The following UBE2S variants were observed in gnomAD, a reference collection of about 807,000 sequenced individuals.
UBE2S encodes the protein ubiquitin-conjugating enzyme E2 S.
A neutral mutation model predicts 12.3 loss-of-function variants in UBE2S; 3 were observed. The ratio of observed to expected loss-of-function variants is 0.24; its 90% confidence interval spans 0.11 to 0.63. The LOEUF (loss-of-function observed/expected upper bound fraction) is 0.63. Ranked by LOEUF, UBE2S falls within the 30% of genes least tolerant of loss-of-function variation. UBE2S has a pLI of 0.85. For synonymous variants in UBE2S, 133 were observed against 142.0 expected, an observed-to-expected ratio of 0.94 and a Z score of 0.45; for missense variants, 211 against 313.9, an observed-to-expected ratio of 0.67 and a Z score of 2.48.
At chr19:55,405,016 G>C (rs937044597) in intron 2 of UBE2S, among the ~76,000 whole-genome samples, 1 of 151,324 alleles carries the variant, frequency 6.6e-6, no homozygotes, top group African/African-American at 2.4e-5. Flanking sequence ...TTCAAGACCA[G>C]CCAGACCAAC....
rs781076341 is a variant in UBE2S at position 55,401,748 on chromosome 19, C to G, written c.357G>C (p.Leu119=). 10 of 1,613,136 alleles carry G rather than the reference C, an allele frequency of 6.2e-6. No homozygotes were observed. The highest frequency in any genetic ancestry group is 1.3e-5 in the African/African-American group (1 of 74,944). Reference sequence around the variant, plus strand: ...CAGACTCGGGGTTAGGGTGGATCAGCAGGCACTTGATGGTCTGTGGGAAGA... The same window carrying G: ...CAGACTCGGGGTTAGGGTGGATCAGGAGGCACTTGATGGTCTGTGGGAAGA... The part of the protein sequence containing the change: ...IRHVLLTIKC[L]LIHPNPESAL... The change falls in exon 4 of 4, where the codon CTG becomes CTC. Residue 119 remains leucine, a synonymous_variant. Coordinates refer to ENST00000264552, the MANE Select transcript of UBE2S (RefSeq NM_014501.3).
intron 2 of UBE2S, among the ~76,000 whole-genome samples, chr19:55,405,280 C>T (rs547243999): frequency 3.6e-4 from 53 of 148,430 alleles, no homozygotes; most frequent in African/African-American, 1.1e-3. Context: ...GAGGCTGAGG[C>T]GGGCGGATCA....
rs2090044378 is a variant in UBE2S at position 55,399,801 on chromosome 19, A to AG, written c.*1634dup. 6.6e-6 allele frequency: 1 copy of AG among 152,208 alleles called. No homozygotes were observed. Among genetic ancestry groups the AG allele is most frequent in the Non-Finnish European group, 1.5e-5 (1 of 68,032 alleles). The allele number at this position is 152,208 out of a possible 1,614,324, so 9.4% of individuals were successfully genotyped here. A position where few individuals can be genotyped will look rare whatever the true frequency, so the allele number is the denominator to read the frequency against. On this transcript the variant is annotated 3_prime_UTR_variant, in exon 4 of 4. Coordinates refer to ENST00000264552, the MANE Select transcript of UBE2S (RefSeq NM_014501.3). ...CGCTAAATTATTTCAGTGGGTTCCG[A>AG]GGCCCAGGATGCAGGCACCTTCCTT...
At chr19:55,401,812 C>T (rs2090061502) in intron 3 of UBE2S, 50 bp from the exon 4 acceptor site, 2 of 1,599,258 alleles carry the variant, frequency 1.3e-6, no homozygotes, top group Non-Finnish European at 1.7e-6. Context: ...CTACAGGGAC[C>T]CCCAGGCCTC....
chr19:55,407,512 G>A, intron 1 of UBE2S, 75 bp downstream of exon 1: 2 of 1,483,280 alleles, frequency 1.3e-6, no homozygotes, highest in Non-Finnish European at 1.8e-6. Context: ...CCGCCCGTCG[G>A]AGGCCCCTGA....
At chr19:55,403,508 AAAGAAAGGG>A (rs1600320328) in intron 3 of UBE2S, among the ~76,000 whole-genome samples, 1 of 139,700 alleles carries the variant, frequency 7.2e-6, no homozygotes, top group African/African-American at 2.9e-5. Context: ...GAAAGAAAGG[AAAGAAAGGG>A]AAGAAAGAAA....
rs2090092386 is a variant in UBE2S, at chr19:55,405,650, T to G, written c.151+1165A>C. On this transcript the variant is annotated intron_variant, in intron 2 of 3. Transcript: ENST00000264552. ...CGTCTGCACCCTCCTGGATCCCCCGTCTCAGCCCAACTGACCACTCCAGTC... is the reference window on the plus strand; with the variant it reads ...CGTCTGCACCCTCCTGGATCCCCCGGCTCAGCCCAACTGACCACTCCAGTC... 2.6e-5 allele frequency among the ~76,000 whole-genome samples: 4 copies of G among 152,222 alleles called. No homozygotes were observed. In the South Asian group the frequency reaches 8.3e-4, roughly 32 times the overall value.
intron 1 of UBE2S, among the ~76,000 whole-genome samples, chr19:55,407,205 C>CCA (rs2090102351): frequency 6.9e-6 from 1 of 143,968 alleles, no homozygotes; most frequent in Non-Finnish European, 1.5e-5. Flanking sequence ...ACCCCCCCCC[C>CCA]AAAGCCCGCT....
rs189658187 is a variant in UBE2S, at chr19:55,407,305, G to A, written c.3+282C>T. Among the ~76,000 whole-genome samples, 299 of 150,596 alleles carry A rather than the reference G, an allele frequency of 2.0e-3. 1 individual carries two copies. The highest frequency in any genetic ancestry group is 7.1e-3 in the African/African-American group (289 of 40,946). On this transcript the variant is annotated intron_variant, in intron 1 of 3. Transcript: ENST00000264552. ...ACTAATTTTTGGTTAGAGCATCCTT[G>A]AAACCCCGGCTCAGGTCTGGAGATG...
intron 3 of UBE2S, chr19:55,402,970 G>A: frequency 1.3e-6 from 2 of 1,534,740 alleles, no homozygotes; most frequent in Non-Finnish European, 1.7e-6. Context: ...GAGGCAGCAG[G>A]CTGTAAGCAG....
chr19:55,400,138 C>CT lies in UBE2S; in HGVS notation c.*1297dup, dbSNP rs1261266984. ...CAAATTCTTTCAGGACAAAAGCAGC[C>CT]TTTGAGTTTTCCACTCTCCTATGGG... On this transcript the variant is annotated 3_prime_UTR_variant, in exon 4 of 4. Transcript: ENST00000264552. 1 of 152,132 alleles carries CT rather than the reference C, an allele frequency of 6.6e-6. No individual in the cohort carries two copies. Among genetic ancestry groups the CT allele is most frequent in the Non-Finnish European group, 1.5e-5 (1 of 68,016 alleles). The allele number at this position is 152,132 out of a possible 1,614,324, so 9.4% of individuals were successfully genotyped here. A position where few individuals can be genotyped will look rare whatever the true frequency, so the allele number is the denominator to read the frequency against.
chr19:55,399,973 G>A lies in UBE2S; in HGVS notation c.*1463C>T, dbSNP rs73054989. 0.12 allele frequency: 17,924 copies of A among 152,222 alleles called. 1,122 individuals are homozygous for A. Among genetic ancestry groups the A allele is most frequent in the South Asian group, 0.19 (903 of 4,820 alleles). The allele number at this position is 152,222 out of a possible 1,614,324, so 9.4% of individuals were successfully genotyped here. On this transcript the variant is annotated 3_prime_UTR_variant, in exon 4 of 4. Transcript: ENST00000264552. The stretch of plus-strand genomic sequence containing the variant: ...CTTTCCTTCGCTCCCTGCACTGCTA[G>A]AGGTAGAGAGGAGTGCAGACTTTTG...
intron 3 of UBE2S, chr19:55,403,006 C>CCAGGAT (rs1569048763): frequency 1.8e-5 from 27 of 1,532,140 alleles, no homozygotes; most frequent in Admixed American, 5.9e-5. Flanking sequence ...TAGACCAGGA[C>CCAGGAT]GCCTCCACCT....
At chr19:55,403,127 T>G (rs1291411754) in intron 3 of UBE2S, 1 of 795,190 alleles carries the variant, frequency 1.3e-6, no homozygotes, top group South Asian at 1.4e-5. Flanking sequence ...ACCCCCGAGT[T>G]GTGACAACCC....
intron 2 of UBE2S, among the ~76,000 whole-genome samples, chr19:55,405,264 C>CTTTG (rs947181149): frequency 6.7e-6 from 1 of 149,310 alleles, no homozygotes; most frequent in African/African-American, 2.5e-5. Flanking sequence ...AATCCCAGCA[C>CTTTG]TTTGGGAGGC....
rs2090044221 is a variant in UBE2S, at chr19:55,399,781, A to G, written c.*1655T>C. 6.6e-6 allele frequency: 1 copy of G among 152,190 alleles called. No homozygotes were observed. The highest frequency in any genetic ancestry group is 1.5e-5 in the Non-Finnish European group (1 of 68,044). 9.4% of individuals were successfully genotyped at this position (152,190 alleles called of 1,614,324 possible). A position where few individuals can be genotyped will look rare whatever the true frequency, so the allele number is the denominator to read the frequency against. On this transcript the variant is annotated 3_prime_UTR_variant, in exon 4 of 4. Transcript: ENST00000264552. ...ATTATTTTTATTATGCACTTCGCTA[A>G]ATTATTTCAGTGGGTTCCGAGGCCC...
At position 55,402,973 on chromosome 19, in the gene UBE2S, G is replaced by C. The variant is rs181108047; in HGVS notation, c.343-1211C>G. 2.2e-3 allele frequency: 3,303 copies of C among 1,534,550 alleles called. 10 individuals carry two copies. The highest frequency in any genetic ancestry group is 2.3e-3 in the Non-Finnish European group (2,671 of 1,146,360). On this transcript the variant is annotated intron_variant, in intron 3 of 3. Coordinates refer to ENST00000264552, the MANE Select transcript of UBE2S (RefSeq NM_014501.3). ...GGGAAGGGTTGGGAGGCAGCAGGCTGTAAGCAGCCTGGAGCACCAGCCTAG... is the reference window on the plus strand; with the variant it reads ...GGGAAGGGTTGGGAGGCAGCAGGCTCTAAGCAGCCTGGAGCACCAGCCTAG...
chr19:55,403,335 A>AAAAACTAGCTGGGT (rs2090074814), intron 3 of UBE2S: 1 of 527,062 alleles, frequency 1.9e-6, no homozygotes, highest in Non-Finnish European at 3.4e-6. Context: ...ATAAAAATAT[A>AAAAACTAGCTGGGT]AAAACTAGCT....
rs373924401 is a variant in UBE2S at position 55,404,354 on chromosome 19, G to A, written c.276C>T (p.Gly92=). The part of the protein sequence containing the change: ...KIFHPNVGAN[G]EICVNVLKRD... Reference sequence around the variant, plus strand: ...TCTTGAGCACGTTGACGCAGATCTCGCCATTGGCGCCCACGTTCGGGTGGA... The same window carrying A: ...TCTTGAGCACGTTGACGCAGATCTCACCATTGGCGCCCACGTTCGGGTGGA... The change falls in exon 3 of 4, where the codon GGC becomes GGT. Residue 92 remains glycine, a synonymous_variant. Transcript: ENST00000264552. The surrounding 1 kb of genome is among the most constrained non-coding windows in gnomAD (Gnocchi z 4.4). 1.9e-5 allele frequency: 30 copies of A among 1,613,768 alleles called. No individual in the cohort carries two copies. In the Middle Eastern group the frequency reaches 5.0e-4, roughly 27 times the overall value.
Sources: allele counts gnomAD v4.1 joint callset (sites outside exome capture counted in the v4.1 genomes callset), GRCh38; gene constraint gnomAD v4.1.1; non-coding constraint Gnocchi (gnomAD v3.1); transcripts MANE v1.5; gene names NCBI Gene and HGNC (gene_info 2026-07-23, HGNC 2026-07-21).